SPRY3: variants seen among roughly 807,000 people sequenced by gnomAD.
SPRY3 encodes the protein sprouty RTK signaling antagonist 3.
SPRY3 carries 15 observed loss-of-function variants against 20.2 expected under a neutral mutation model. The ratio of observed to expected loss-of-function variants is 0.74; its 90% CI spans 0.50 to 1.14. SPRY3 has a LOEUF of 1.14. Ranked by LOEUF, SPRY3 falls within the 50% of genes most tolerant of loss-of-function variation. The pLI, the probability that SPRY3 is intolerant of heterozygous loss-of-function variation, is 0.00. For synonymous variants in SPRY3, 143 were observed against 136.5 expected (o/e 1.05, Z -0.33); for missense variants, 364 against 363.9 (o/e 1.00, Z 0.00).
intron 2 of SPRY3, among the ~76,000 whole-genome samples, chrX:155,710,500 A>G (rs1255173714): frequency 6.6e-6 from 1 of 151,466 alleles, no homozygotes; most frequent in Non-Finnish European, 1.5e-5. Context: ...TGAGTTTTGT[A>G]TGTTGATTTT....
At chrX:155,777,873 T>C (rs1335259533), downstream of SPRY3, 17 of 166,586 alleles carry the variant, frequency 1.0e-4, no homozygotes, top group Admixed American at 1.1e-3. Context: ...CCTTGATACA[T>C]TTCATATGAT....
chrX:155,734,006 G>A (rs2091151779), intron 2 of SPRY3, among the ~76,000 whole-genome samples: 4 of 152,214 alleles, frequency 2.6e-5, no homozygotes, highest in South Asian at 2.1e-4. Context: ...TCTAGACCAC[G>A]AAAACGTTCT....
chrX:155,726,282 G>A (rs2091096293), intron 2 of SPRY3, among the ~76,000 whole-genome samples: 1 of 152,126 alleles, frequency 6.6e-6, no homozygotes, highest in Admixed American at 6.6e-5. Context: ...GTGCTGAGAA[G>A]AATGTATATT....
chrX:155,744,873 T>C (rs1348049436), intron 2 of SPRY3, among the ~76,000 whole-genome samples: 4 of 152,042 alleles, frequency 2.6e-5, no homozygotes, highest in African/African-American at 7.2e-5. Flanking sequence ...CCCCAGTTCA[T>C]TGGATTGGGC....
At chrX:155,731,569 G>A (rs1427113247) in intron 2 of SPRY3, among the ~76,000 whole-genome samples, 2 of 152,002 alleles carry the variant, frequency 1.3e-5, no homozygotes, top group Non-Finnish European at 1.5e-5. Flanking sequence ...AGAAAACACT[G>A]GGGAATCTTT....
intron 2 of SPRY3, among the ~76,000 whole-genome samples, chrX:155,721,145 G>A (rs1006212756): frequency 6.6e-6 from 1 of 152,066 alleles, no homozygotes; most frequent in Non-Finnish European, 1.5e-5. Flanking sequence ...AATGCAGTAG[G>A]CATACTGAAG....
At chrX:155,649,764 G>T (rs1470074882) in intron 1 of SPRY3, among the ~76,000 whole-genome samples, 5 of 111,234 alleles carry the variant, frequency 4.5e-5, no homozygotes, top group African/African-American at 1.6e-4. Context: ...TGGAAGTCCG[G>T]CCAGGGTAAT....
At chrX:155,741,050 C>A (rs1370306743) in intron 2 of SPRY3, among the ~76,000 whole-genome samples, 2 of 152,124 alleles carry the variant, frequency 1.3e-5, no homozygotes, top group Non-Finnish European at 2.9e-5. Context: ...TAATGAACTT[C>A]ACTAAGCTAA....
exon 4 of SPRY3, chrX:155,775,676 G>A (rs749829033): frequency 4.8e-5 from 8 of 167,176 alleles, no homozygotes; most frequent in African/African-American, 1.9e-4. Flanking sequence ...TCAACTTATA[G>A]TGCTGACAGA....
At chrX:155,774,017 A>G (rs201016999) in exon 4 of SPRY3, 3 of 1,613,874 alleles carry the variant, frequency 1.9e-6, no homozygotes, top group East Asian at 2.2e-5. Flanking sequence ...GTGCAAACCC[A>G]CAAGTCTGAT....
intron 2 of SPRY3, among the ~76,000 whole-genome samples, chrX:155,726,691 C>T (rs2091099992): frequency 6.6e-6 from 1 of 152,080 alleles, no homozygotes; most frequent in African/African-American, 2.4e-5. Flanking sequence ...TCCTCCATCC[C>T]TTTACTTTGA....
chrX:155,640,203 C>T (rs921458568), intron 1 of SPRY3, among the ~76,000 whole-genome samples: 1 of 111,767 alleles, frequency 8.9e-6, no homozygotes, highest in African/African-American at 3.3e-5. Context: ...GTAATAGCTC[C>T]CTGTTGACTG....
chrX:155,782,135 G>A (rs1435070391), exon 2 of SPRY3: 2 of 167,002 alleles, frequency 1.2e-5, no homozygotes, highest in Non-Finnish European at 2.9e-5. Flanking sequence ...TCTTCTGAAA[G>A]GCATTACCCA....
chrX:155,613,641 G>C (rs1045487025), intron 1 of SPRY3, among the ~76,000 whole-genome samples: 1 of 112,018 alleles, frequency 8.9e-6, no homozygotes, highest in African/African-American at 3.2e-5. Context: ...ATCAACAAAA[G>C]AAGAAAAAGC....
chrX:155,726,031 T>C (rs773989451), intron 2 of SPRY3, among the ~76,000 whole-genome samples: 5 of 152,292 alleles, frequency 3.3e-5, no homozygotes, highest in Admixed American at 1.3e-4. Flanking sequence ...TTTGATCTCA[T>C]TGATTTCAAA....
rs192956566 is a variant in SPRY3 at position 155,623,800 on chromosome X, C to T, written c.-441+11153C>T. Among the ~76,000 whole-genome samples the T allele has an allele frequency of 1.1e-4, 12 of 112,322 alleles. No individual in the cohort carries two copies. The Admixed American group carries it at 1.1e-3, about 11-fold the overall frequency. ...CTGATTTCTGCATTTCAAAACCTGT[C>T]TAGTACCAGACATTTCATGAAGAAG... On this transcript the variant is annotated intron_variant, in intron 1 of 3. Transcript: ENST00000675360.
chrX:155,702,344 G>T (rs2090919300), intron 2 of SPRY3, among the ~76,000 whole-genome samples: 1 of 9,568 alleles, frequency 1.0e-4, no homozygotes, highest in Non-Finnish European at 2.0e-4. Context: ...CTTGTAAGTT[G>T]GATTCCTAGG....
In SPRY3 at chrX:155,689,755, T is replaced by TA. The variant is rs1261976076; in HGVS notation, c.-282+32740dup. Among the ~76,000 whole-genome samples the TA allele has an allele frequency of 2.1e-3, 168 of 81,356 alleles. 37 individuals carry two copies. The highest frequency in any genetic ancestry group is 8.8e-3 in the African/African-American group (148 of 16,764). 70.6% of individuals were successfully genotyped at this position (81,356 alleles called of 115,157 possible). ...TGACAGTCTATCTATTTTATTGATT[T>TA]AAAAAAAAAACAACTCCTGGATTCA... On this transcript the variant is annotated intron_variant, in intron 2 of 3. Transcript: ENST00000675360.
intron 2 of SPRY3, among the ~76,000 whole-genome samples, chrX:155,695,262 A>G (rs890228619): frequency 9.0e-5 from 10 of 111,279 alleles, no homozygotes; most frequent in East Asian, 8.5e-4. Context: ...AACTAGATTG[A>G]TCATTTTTTC....
Sources: gnomAD v4.1 joint callset for allele counts (sites outside exome capture counted in the v4.1 genomes callset) on GRCh38, gnomAD v4.1.1 for gene constraint, MANE v1.5 for transcripts, NCBI Gene and HGNC (gene_info 2026-07-23, HGNC 2026-07-21) for gene names.